Variants in ARHGAP32 observed in about 807,000 individuals in gnomAD.
ARHGAP32 encodes the protein Rho GTPase activating protein 32.
In ARHGAP32, 51 loss-of-function variants were observed where a neutral mutation model predicts 186.5. The ratio of observed to expected loss-of-function variants is 0.27; its 90% CI spans 0.22 to 0.35. The LOEUF (loss-of-function observed/expected upper bound fraction) is 0.35. ARHGAP32 is among the 10% of genes least tolerant of loss of function. ARHGAP32 has a pLI of 1.00. For missense variants in ARHGAP32, 2,186 were observed against 2,623.5 expected, an observed-to-expected ratio of 0.83 and a Z score of 3.64; for synonymous variants, 950 against 964.3, an observed-to-expected ratio of 0.99 and a Z score of 0.27.
chr11:129,179,502 T>C (rs1944000782), intron 1 of ARHGAP32, among the ~76,000 whole-genome samples: 2 of 151,898 alleles, frequency 1.3e-5, no homozygotes, highest in South Asian at 2.1e-4. Context: ...CACGTATGTT[T>C]ATTGCGGCAT....
chr11:129,007,629 C>A (rs565191531), intron 11 of ARHGAP32, among the ~76,000 whole-genome samples: 1 of 152,076 alleles, frequency 6.6e-6, no homozygotes, highest in Non-Finnish European at 1.5e-5. Context: ...TTCTTCTCTT[C>A]CCAAGCAGAA....
chr11:128,984,720 A>G (rs1409843983), intron 15 of ARHGAP32, among the ~76,000 whole-genome samples: 4 of 152,270 alleles, frequency 2.6e-5, no homozygotes, highest in African/African-American at 7.2e-5. Context: ...AAGTAATATA[A>G]TATATATTAG....
At chr11:129,156,754 G>C (rs1943417832) in intron 2 of ARHGAP32, among the ~76,000 whole-genome samples, 1 of 152,172 alleles carries the variant, frequency 6.6e-6, no homozygotes. Flanking sequence ...CCCTCAAGTG[G>C]GTCCCTGAAC....
intron 6 of ARHGAP32, among the ~76,000 whole-genome samples, chr11:129,070,670 T>C (rs1344575193): frequency 6.6e-6 from 1 of 152,066 alleles, no homozygotes; most frequent in Non-Finnish European, 1.5e-5. Context: ...ATTTCTGTTC[T>C]ATTTTTATAG....
At chr11:129,000,529 C>T (rs10893947) in intron 11 of ARHGAP32, among the ~76,000 whole-genome samples, 35,592 of 151,954 alleles carry the variant, frequency 0.23, 4,365 homozygotes, top group East Asian at 0.34. Context: ...TTTATGGGTA[C>T]GTATTTTGAT....
At chr11:129,063,873 A>T (rs1165190193) in intron 9 of ARHGAP32, 29 bp downstream of exon 9, 8 of 1,583,038 alleles carry the variant, frequency 5.1e-6, no homozygotes, top group Non-Finnish European at 6.8e-6. Context: ...GCAAGAACCA[A>T]ATAACAAACA....
In ARHGAP32 at chr11:129,236,173, T is replaced by C. The variant is rs114269341; in HGVS notation, c.-5+42973A>G. The stretch of plus-strand genomic sequence containing the variant: ...TGTTTTCCATAGTGGTTGCGCTAGT[T>C]TCCATTCCCAATAACAGTGTAAAAC... On this transcript the variant is annotated intron_variant, in intron 1 of 6. Transcript: ENST00000525234. 2.9e-3 allele frequency among the ~76,000 whole-genome samples: 444 copies of C among 152,312 alleles called. 4 individuals are homozygous for C. The highest frequency in any genetic ancestry group is 0.01 in the African/African-American group (432 of 41,572).
At chr11:129,038,879 C>T (rs1939470995) in intron 11 of ARHGAP32, among the ~76,000 whole-genome samples, 1 of 111,206 alleles carries the variant, frequency 9.0e-6, no homozygotes, top group Non-Finnish European at 1.8e-5. Context: ...CAAAGAAAGA[C>T]CCTGTCTCGA....
In ARHGAP32 at chr11:128,972,932, C is replaced by G; in HGVS notation, c.3574G>C (p.Asp1192His). The G allele has an allele frequency of 6.2e-7, 1 of 1,613,996 alleles. No individual in the cohort carries two copies. The highest frequency in any genetic ancestry group is 1.1e-5 in the South Asian group (1 of 91,076). ...TGGTCTTCAGGGAAACTTACATGAT[C>G]ATCAGACTTCTCTGAGTCTAAGGGA... ...SVPLDSEKSD[D>H]HVSFPEDQSG... Residue 1192 changes from aspartate to histidine, a missense_variant, in exon 22 of 23, where the codon GAT becomes CAT. Around this residue, in one of 5 missense-constraint regions of ARHGAP32, gnomAD observed 1,502 missense variants for 1,570.0 expected, o/e 0.96. Coordinates refer to ENST00000682385, the MANE Select transcript of ARHGAP32 (RefSeq NM_001378024.1).
chr11:128,993,000 A>T (rs1359046484), intron 12 of ARHGAP32, among the ~76,000 whole-genome samples: 1 of 152,226 alleles, frequency 6.6e-6, no homozygotes, highest in Non-Finnish European at 1.5e-5. Context: ...ATCCTGATTG[A>T]ACAGCAGGGA....
In ARHGAP32 at chr11:128,972,779, C is replaced by A. The variant is rs200151131; in HGVS notation, c.3727G>T (p.Glu1243Ter). The change falls in exon 22 of 23, where the codon GAA becomes TAA. Residue 1243 changes from glutamate to a stop codon, truncating the protein, a stop_gained. Transcript: ENST00000682385. LOFTEE classifies it high-confidence loss of function. ...GGTGTGGGAGATTTGTCTGCAAATT[C>A]TAAAGGGTGATGGAGTTTATCCACA... is the stretch of plus-strand genomic sequence containing the variant. ...ASVDKLHHPL[E>*]FADKSPTPPN... is the part of the protein sequence containing the mutation. The A allele has an allele frequency of 1.2e-6, 2 of 1,613,870 alleles. No individual in the cohort carries two copies. Among genetic ancestry groups the A allele is most frequent in the Non-Finnish European group, 1.7e-6 (2 of 1,179,980 alleles).
At position 129,124,822 on chromosome 11, in the gene ARHGAP32, T is replaced by C; in HGVS notation, c.298A>G (p.Lys100Glu). ...LKTCGSTASM[K>E]VKHVKKSTTP... ...ACTCACTTTTTCACATGCTTAACCTTCATACTGGCTGTACTGCCACACGTC... is the reference window on the plus strand; with the variant it reads ...ACTCACTTTTTCACATGCTTAACCTCCATACTGGCTGTACTGCCACACGTC... The change falls in exon 3 of 23, where the codon AAG becomes GAG. Residue 100 changes from lysine to glutamate, a missense_variant. This residue lies in a region of ARHGAP32 where 308 missense variants were observed against 596.5 expected (regional missense o/e 0.52). Coordinates refer to ENST00000682385, the MANE Select transcript of ARHGAP32 (RefSeq NM_001378024.1). 1 of 1,609,646 alleles carries C rather than the reference T, an allele frequency of 6.2e-7. No homozygotes were observed. Among genetic ancestry groups the C allele is most frequent in the Admixed American group, 1.7e-5 (1 of 59,378 alleles).
At chr11:128,979,727 CAA>C (rs780638582) in intron 18 of ARHGAP32, among the ~76,000 whole-genome samples, 1 of 152,134 alleles carries the variant, frequency 6.6e-6, no homozygotes, top group Non-Finnish European at 1.5e-5. Context: ...ACGGGAAGAA[CAA>C]ATTCTAAAGT....
chr11:129,002,111 T>C (rs369157383), intron 11 of ARHGAP32, among the ~76,000 whole-genome samples: 22 of 152,300 alleles, frequency 1.4e-4, no homozygotes, highest in Non-Finnish European at 2.2e-4. Flanking sequence ...TTTTAGTATA[T>C]TTTTTTCTAT....
intron 6 of ARHGAP32, among the ~76,000 whole-genome samples, chr11:129,083,509 G>A (rs144936335): frequency 6.6e-6 from 1 of 152,330 alleles, no homozygotes; most frequent in East Asian, 1.9e-4. Context: ...CAATGTGGGA[G>A]CTAAGCTATG....
chr11:128,982,608 T>A (rs1042110790), intron 15 of ARHGAP32, among the ~76,000 whole-genome samples: 3 of 152,058 alleles, frequency 2.0e-5, no homozygotes, highest in African/African-American at 7.2e-5. Context: ...GACAACGGGC[T>A]GGGTGTGATG....
chr11:129,075,307 C>G (rs896569960), intron 6 of ARHGAP32, among the ~76,000 whole-genome samples: 1 of 151,980 alleles, frequency 6.6e-6, no homozygotes, highest in Non-Finnish European at 1.5e-5. Flanking sequence ...AGATGCCATA[C>G]TAATTTTTTA....
chr11:128,992,413 A>G (rs1352827625), intron 12 of ARHGAP32, among the ~76,000 whole-genome samples: 1 of 150,968 alleles, frequency 6.6e-6, no homozygotes, highest in African/African-American at 2.4e-5. Context: ...CAGAAAAAGA[A>G]ATTAACGTCA....
At chr11:129,010,350 G>A (rs1305702750) in intron 11 of ARHGAP32, among the ~76,000 whole-genome samples, 5 of 152,090 alleles carry the variant, frequency 3.3e-5, no homozygotes, top group South Asian at 4.1e-4. Flanking sequence ...TGGTGTTTTC[G>A]TCATGAAATC....
Sources: gnomAD v4.1 joint callset for allele counts (sites outside exome capture counted in the v4.1 genomes callset) on GRCh38, gnomAD v4.1.1 for gene constraint, gnomAD v4.1.1 regional missense constraint, MANE v1.5 for transcripts, NCBI Gene and HGNC (gene_info 2026-07-23, HGNC 2026-07-21) for gene names.